VPS35L: variants seen among roughly 807,000 people sequenced by gnomAD.
VPS35L encodes the protein VPS35 endosomal protein-sorting factor-like.
In VPS35L, 83 loss-of-function variants were observed where a neutral mutation model predicts 133.0. The observed-to-expected ratio is 0.62, with a 90% CI of 0.52 to 0.75. VPS35L has a LOEUF of 0.75. VPS35L is among the 30% of genes least tolerant of loss of function. The pLI is 0.00. For synonymous variants in VPS35L, 423 were observed against 449.9 expected, an observed-to-expected ratio of 0.94 and a Z score of 0.76; for missense variants, 1,083 against 1,206.8, an observed-to-expected ratio of 0.90 and a Z score of 1.52.
intron 19 of VPS35L, among the ~76,000 whole-genome samples, chr16:19,636,961 C>T (rs796205235): frequency 3.3e-5 from 5 of 152,304 alleles, no homozygotes; most frequent in African/African-American, 1.2e-4. Context: ...TCCAAATCCT[C>T]TCCAGTGAAT....
At chr16:19,605,595 C>G (rs1032226891) in intron 9 of VPS35L, among the ~76,000 whole-genome samples, 1 of 152,176 alleles carries the variant, frequency 6.6e-6, no homozygotes, top group East Asian at 1.9e-4. Context: ...GGGCCTTGCA[C>G]TTGCTGTTTT....
chr16:19,681,826 G>A (rs980130263), intron 27 of VPS35L, among the ~76,000 whole-genome samples: 1 of 152,178 alleles, frequency 6.6e-6, no homozygotes, highest in Middle Eastern at 3.4e-3. Context: ...GGCTTCTACC[G>A]TTCCATCTGC....
intron 8 of VPS35L, among the ~76,000 whole-genome samples, chr16:19,594,651 AAAAAAAAAAAAAAAAAAAAAG>A (rs1000438943): frequency 1.4e-5 from 2 of 141,798 alleles, no homozygotes; most frequent in African/African-American, 5.8e-5. Flanking sequence ...TCTCAAAAAA[AAAAAAAAAAAAAAAAAAAAAG>A]AAGAGAAAAA....
At chr16:19,636,409 T>C (rs1012650838) in intron 19 of VPS35L, among the ~76,000 whole-genome samples, 3 of 152,206 alleles carry the variant, frequency 2.0e-5, no homozygotes, top group Non-Finnish European at 4.4e-5. Flanking sequence ...AAATCCTGTC[T>C]TTTAAAATCA....
At chr16:19,587,834 C>T (rs1461354201) in intron 7 of VPS35L, among the ~76,000 whole-genome samples, 2 of 129,094 alleles carry the variant, frequency 1.5e-5, no homozygotes, top group Admixed American at 1.8e-4. Context: ...CAGTCTTGCT[C>T]TGTCACCAAG....
intron 12 of VPS35L, chr16:19,611,842 AC>A (rs1274298290): frequency 6.6e-6 from 1 of 150,960 alleles, no homozygotes; most frequent in Non-Finnish European, 1.5e-5. Context: ...AAGCTTGAAT[AC>A]TCCTCCCAAG....
At chr16:19,583,205 T>A (rs895593135) in intron 7 of VPS35L, among the ~76,000 whole-genome samples, 1 of 152,116 alleles carries the variant, frequency 6.6e-6, no homozygotes, top group Admixed American at 6.6e-5. Context: ...TTTAAAACAT[T>A]TTTATACCTC....
At chr16:19,661,679 C>T (rs150316689) in intron 26 of VPS35L, among the ~76,000 whole-genome samples, 3 of 152,304 alleles carry the variant, frequency 2.0e-5, no homozygotes, top group East Asian at 3.9e-4. Context: ...GGACCCTTCC[C>T]GCCATCCTCA....
intron 19 of VPS35L, among the ~76,000 whole-genome samples, chr16:19,635,064 G>C (rs1029631633): frequency 6.6e-6 from 1 of 152,130 alleles, no homozygotes; most frequent in Non-Finnish European, 1.5e-5. Flanking sequence ...CCATGGCCAG[G>C]CTCCATGGCT....
At chr16:19,694,939 G>T (rs566355734) in intron 29 of VPS35L, among the ~76,000 whole-genome samples, 26 of 151,912 alleles carry the variant, frequency 1.7e-4, no homozygotes, top group Non-Finnish European at 3.5e-4. Context: ...CCAGGAGGGG[G>T]AGGTTGCAGT....
intron 12 of VPS35L, among the ~76,000 whole-genome samples, chr16:19,611,301 G>A (rs887012938): frequency 6.6e-6 from 1 of 152,132 alleles, no homozygotes; most frequent in African/African-American, 2.4e-5. Context: ...CGCCCGGCCA[G>A]TATATGGTCT....
intron 27 of VPS35L, among the ~76,000 whole-genome samples, chr16:19,674,178 CTTTTTCTTTTT>C (rs1974974431): frequency 9.9e-6 from 1 of 101,338 alleles, no homozygotes; most frequent in Admixed American, 9.9e-5. Context: ...CAGTTTTTTT[CTTTTTCTTTTT>C]TTTTTTTTTT....
chr16:19,582,453 A>G (rs2151518752), intron 7 of VPS35L, among the ~76,000 whole-genome samples: 1 of 152,280 alleles, frequency 6.6e-6, no homozygotes, highest in East Asian at 1.9e-4. Context: ...GAGTCTTCAC[A>G]CTGGACACAT....
intron 14 of VPS35L, 41 bp from the exon 15 acceptor site, chr16:19,626,136 C>T: frequency 7.2e-7 from 1 of 1,395,058 alleles, no homozygotes; most frequent in Non-Finnish European, 9.8e-7. Flanking sequence ...TTTAGCTCCT[C>T]CAACCTGATT....
chr16:19,556,654 A>C (rs987349281), intron 1 of VPS35L, among the ~76,000 whole-genome samples: 1 of 152,248 alleles, frequency 6.6e-6, no homozygotes, highest in Non-Finnish European at 1.5e-5. Context: ...TGAGCAAATG[A>C]AAGACCTTAG....
chr16:19,582,722 T>G (rs1971748003), intron 7 of VPS35L, among the ~76,000 whole-genome samples: 2 of 152,218 alleles, frequency 1.3e-5, no homozygotes, highest in South Asian at 4.1e-4. Context: ...TTATTGTAGT[T>G]TAGAACTGTG....
At chr16:19,602,694 C>T (rs1243703246) in intron 9 of VPS35L, among the ~76,000 whole-genome samples, 1 of 152,122 alleles carries the variant, frequency 6.6e-6, no homozygotes, top group East Asian at 1.9e-4. Flanking sequence ...CCTTCGCCTC[C>T]CGGATTCAAG....
At position 19,603,569 on chromosome 16, in the gene VPS35L, A is replaced by G. The variant is rs536346570; in HGVS notation, c.784+1846A>G. ...GTTTTTCTTTGGGACCCTCCACGCC[A>G]CTGCGTCACACCTGTGACGATGTTT... On this transcript the variant is annotated intron_variant, in intron 9 of 30. Transcript: ENST00000417362. Among the ~76,000 whole-genome samples, 143 of 152,172 alleles carry G rather than the reference A, an allele frequency of 9.4e-4. No homozygotes were observed. In the South Asian group the frequency reaches 0.011, roughly 12 times the overall value.
At chr16:19,674,261 G>A (rs1243710760) in intron 27 of VPS35L, among the ~76,000 whole-genome samples, 1 of 130,372 alleles carries the variant, frequency 7.7e-6, no homozygotes, top group Non-Finnish European at 1.5e-5. Context: ...GCGCGATCTC[G>A]GCTCACTGCA....
Sources: allele counts gnomAD v4.1 joint callset (sites outside exome capture counted in the v4.1 genomes callset), GRCh38; gene constraint gnomAD v4.1.1; transcripts MANE v1.5; gene names NCBI Gene and HGNC (gene_info 2026-07-23, HGNC 2026-07-21).